Variants in PLA2G12A observed in about 807,000 individuals in gnomAD.
PLA2G12A encodes group XIIA secretory phospholipase A2.
A neutral mutation model predicts 16.0 loss-of-function variants in PLA2G12A; 11 were observed. The observed-to-expected ratio is 0.69, with a 90% confidence interval of 0.43 to 1.13. The LOEUF (loss-of-function observed/expected upper bound fraction) is 1.13, where lower values mean the gene tolerates loss of function less well. Ranked by LOEUF, PLA2G12A falls within the 50% of genes most tolerant of loss-of-function variation. The pLI is 0.00. For missense variants in PLA2G12A, 214 were observed against 237.3 expected (o/e 0.90, Z 0.65); for synonymous variants, 77 against 93.8 (o/e 0.82, Z 1.03).
At position 109,729,921 on chromosome 4, in the gene PLA2G12A, G is replaced by T; in HGVS notation, c.-112C>A. 1 of 872,510 alleles carries T rather than the reference G, an allele frequency of 1.1e-6. No individual in the cohort carries two copies. Among genetic ancestry groups the T allele is most frequent in the Non-Finnish European group, 1.7e-6 (1 of 599,166 alleles). 54.0% of individuals were successfully genotyped at this position (872,510 alleles called of 1,614,324 possible). A position where few individuals can be genotyped will look rare whatever the true frequency, so the allele number is the denominator to read the frequency against. On this transcript the variant is annotated 5_prime_UTR_variant, in exon 1 of 4. In the 5' UTR this introduces an upstream ATG that the reference lacks. Transcript: ENST00000243501. ...CGGGCCCCGGACTTGGCAGCAGCCAGCTCCATATCCACGCCTCCTTCCCGG... is the reference window on the plus strand; with the variant it reads ...CGGGCCCCGGACTTGGCAGCAGCCATCTCCATATCCACGCCTCCTTCCCGG...
intron 3 of PLA2G12A, among the ~76,000 whole-genome samples, chr4:109,717,073 T>C (rs1243371227): frequency 6.6e-6 from 1 of 152,206 alleles, no homozygotes; most frequent in Admixed American, 6.5e-5. Flanking sequence ...AGGCATCTGC[T>C]ACGAACTAGA....
At chr4:109,724,274 C>T (rs950577584) in intron 1 of PLA2G12A, among the ~76,000 whole-genome samples, 5 of 152,068 alleles carry the variant, frequency 3.3e-5, no homozygotes, top group Middle Eastern at 3.2e-3. Flanking sequence ...TACAGGCATG[C>T]GCCACCATGC....
Position 109,713,664 on chromosome 4 carries a change from C to T in PLA2G12A, c.*713G>A, listed in dbSNP as rs1463109064. The T allele has an allele frequency of 6.6e-6, 1 of 152,146 alleles. No homozygotes were observed. The highest frequency in any genetic ancestry group is 2.4e-5 in the African/African-American group (1 of 41,432). 9.4% of individuals were successfully genotyped at this position (152,146 alleles called of 1,614,324 possible). A position where few individuals can be genotyped will look rare whatever the true frequency, so the allele number is the denominator to read the frequency against. Reference sequence around the variant, plus strand: ...AGCTCATAAAATGGGAGTGGCTATGCTTCTGAATCGCATTCACATCACCTT... The same window carrying T: ...AGCTCATAAAATGGGAGTGGCTATGTTTCTGAATCGCATTCACATCACCTT... On this transcript the variant is annotated 3_prime_UTR_variant, in exon 4 of 4. Transcript: ENST00000243501.
Position 109,730,067 on chromosome 4 carries a change from G to GTGC in PLA2G12A, c.-261_-259dup. 1 of 362,382 alleles carries GTGC rather than the reference G, an allele frequency of 2.8e-6. No individual in the cohort carries two copies. The highest frequency in any genetic ancestry group is 4.9e-6 in the Non-Finnish European group (1 of 203,374). The allele number at this position is 362,382 out of a possible 1,614,324, so 22.4% of individuals were successfully genotyped here. A position where few individuals can be genotyped will look rare whatever the true frequency, so the allele number is the denominator to read the frequency against. ...TCACCTGGGCCAGCAACCGTCCCCT[G>GTGC]TGCGCCTGCGCCGGAGCACGGCGCG... On this transcript the variant is annotated 5_prime_UTR_variant, in exon 1 of 4. Transcript: ENST00000243501.
intron 2 of PLA2G12A, 57 bp from the exon 3 acceptor site, chr4:109,717,770 A>G: frequency 6.7e-7 from 1 of 1,502,270 alleles, no homozygotes; most frequent in African/African-American, 1.4e-5. Flanking sequence ...CCTCTGAAGT[A>G]CTGCATTCAA....
At chr4:109,718,162 T>G (rs1730860327) in intron 2 of PLA2G12A, among the ~76,000 whole-genome samples, 1 of 152,184 alleles carries the variant, frequency 6.6e-6, no homozygotes, top group African/African-American at 2.4e-5. Flanking sequence ...CAACTCAAAT[T>G]TTTTTGTTTT....
intron 2 of PLA2G12A, among the ~76,000 whole-genome samples, chr4:109,718,131 A>C (rs1037492989): frequency 1.3e-5 from 2 of 152,236 alleles, no homozygotes; most frequent in African/African-American, 4.8e-5. Flanking sequence ...TTTATGTGAA[A>C]TATCACAGAA....
Position 109,729,895 on chromosome 4 carries a change from G to C in PLA2G12A, c.-86C>G. The C allele has an allele frequency of 8.2e-7, 1 of 1,222,724 alleles. No individual in the cohort carries two copies. The highest frequency in any genetic ancestry group is 1.1e-6 in the Non-Finnish European group (1 of 909,534). 75.7% of individuals were successfully genotyped at this position (1,222,724 alleles called of 1,614,324 possible). ...TCCCCAGGACGCGCTAGGCAGCGGC[G>C]CGGGCCCCGGACTTGGCAGCAGCCA... On this transcript the variant is annotated 5_prime_UTR_variant, in exon 1 of 4. Coordinates refer to ENST00000243501, the MANE Select transcript of PLA2G12A (RefSeq NM_030821.5).
chr4:109,719,311 T>A (rs1730878748), intron 1 of PLA2G12A, among the ~76,000 whole-genome samples: 1 of 152,092 alleles, frequency 6.6e-6, no homozygotes, highest in Non-Finnish European at 1.5e-5. Context: ...CTACAAGACA[T>A]TACAAGACCA....
chr4:109,728,612 C>T (rs13141708), intron 1 of PLA2G12A, among the ~76,000 whole-genome samples: 11,380 of 152,248 alleles, frequency 0.075, 516 homozygotes, highest in African/African-American at 0.13. Flanking sequence ...CTTCTATTAA[C>T]ATAAAACTAG....
intron 3 of PLA2G12A, among the ~76,000 whole-genome samples, chr4:109,716,652 T>C (rs1389808583): frequency 1.3e-5 from 2 of 152,164 alleles, no homozygotes; most frequent in South Asian, 2.1e-4. Flanking sequence ...CTTTTAAAAA[T>C]GACACCAAAG....
At chr4:109,720,591 AAAAAAAAAAAAAAATATATAT>A (rs1345958614) in intron 1 of PLA2G12A, among the ~76,000 whole-genome samples, 60 of 33,712 alleles carry the variant, frequency 1.8e-3, no homozygotes, top group Non-Finnish European at 2.6e-3. Context: ...AAAAAAAAAA[AAAAAAAAAAAAAAATATATAT>A]ATATATATAT....
chr4:109,729,694 C>T lies in PLA2G12A; in HGVS notation c.116G>A (p.Arg39Gln). Residue 39 changes from arginine to glutamine, a missense_variant, in exon 1 of 4, where the codon CGG becomes CAG. By Grantham distance (43) the Arg-to-Gln change is conservative (BLOSUM62 1). Transcript: ENST00000243501. The stretch of plus-strand genomic sequence containing the variant: ...CGTGTCTATCTTATGAACGCCGTTC[C>T]GGATGGTCTTCAGGGTGGCTCTCCA... ...TDWRATLKTI[R>Q]NGVHKIDTYL... 6.2e-7 allele frequency: 1 copy of T among 1,611,014 alleles called. No individual in the cohort carries two copies. The highest frequency in any genetic ancestry group is 8.5e-7 in the Non-Finnish European group (1 of 1,179,458).
chr4:109,725,818 T>C (rs771440880), intron 1 of PLA2G12A, among the ~76,000 whole-genome samples: 1 of 152,212 alleles, frequency 6.6e-6, no homozygotes, highest in Non-Finnish European at 1.5e-5. Context: ...CAAGAAGTAG[T>C]CTGCTGGGTC....
chr4:109,717,037 C>T (rs1232481340), intron 3 of PLA2G12A, among the ~76,000 whole-genome samples: 2 of 152,190 alleles, frequency 1.3e-5, no homozygotes, highest in African/African-American at 4.8e-5. Flanking sequence ...ATCTAGTCCT[C>T]TCCACTAAGT....
At chr4:109,721,672 G>A (rs1291532678) in intron 1 of PLA2G12A, among the ~76,000 whole-genome samples, 1 of 152,036 alleles carries the variant, frequency 6.6e-6, no homozygotes, top group Non-Finnish European at 1.5e-5. Context: ...TACTTACAAG[G>A]GCCTACAGAG....
At chr4:109,723,643 G>T (rs1180942967) in intron 1 of PLA2G12A, among the ~76,000 whole-genome samples, 1 of 152,198 alleles carries the variant, frequency 6.6e-6, no homozygotes, top group East Asian at 1.9e-4. Flanking sequence ...GCCCATTCTA[G>T]TTCCTCAAGC....
chr4:109,724,554 A>C (rs376849771), intron 1 of PLA2G12A, among the ~76,000 whole-genome samples: 1 of 152,146 alleles, frequency 6.6e-6, no homozygotes, highest in African/African-American at 2.4e-5. Flanking sequence ...CCTGATGCTG[A>C]TGATGTGTGT....
chr4:109,716,243 G>C (rs1328934446), intron 3 of PLA2G12A, among the ~76,000 whole-genome samples: 3 of 152,200 alleles, frequency 2.0e-5, no homozygotes, highest in African/African-American at 7.2e-5. Flanking sequence ...TAGGATATTA[G>C]AATCAGGGCT....
Sources: gnomAD v4.1 joint callset for allele counts (sites outside exome capture counted in the v4.1 genomes callset) on GRCh38, gnomAD v4.1.1 for gene constraint, MANE v1.5 for transcripts, NCBI Gene and HGNC (gene_info 2026-07-23, HGNC 2026-07-21) for gene names.